The following ARHGEF25 variants were observed in gnomAD, a reference collection of about 807,000 sequenced individuals.
ARHGEF25 encodes the protein Rho guanine nucleotide exchange factor 25.
A neutral mutation model predicts 74.0 loss-of-function variants in ARHGEF25; 42 were observed. The observed-to-expected ratio is 0.57, with a 90% confidence interval of 0.44 to 0.73. The LOEUF is 0.73. Among genes scored for constraint, ARHGEF25 ranks in the 30% least tolerant of loss-of-function variants. ARHGEF25 has a pLI of 0.00. For missense variants in ARHGEF25, 645 were observed against 725.5 expected (o/e 0.89, Z 1.27); for synonymous variants, 293 against 278.6 (o/e 1.05, Z -0.51).
chr12:57,615,810 G>A, intron 12 of ARHGEF25, 27 bp from the exon 13 acceptor site: 1 of 1,612,334 alleles, frequency 6.2e-7, no homozygotes, highest in Non-Finnish European at 8.5e-7. Context: ...GAGGAATCTG[G>A]GGGCTGTCTC....
At chr12:57,610,183 G>C (rs1298770929), upstream of ARHGEF25, 1 of 1,429,924 alleles carries the variant, frequency 7.0e-7, no homozygotes, top group Non-Finnish European at 9.6e-7. Context: ...GTGCCCCCTC[G>C]ACCCTGAAAC....
rs2140218856 is a variant in ARHGEF25 at position 57,611,503 on chromosome 12, C to G, written c.-392C>G. On this transcript the variant is annotated 5_prime_UTR_variant, in exon 1 of 15. Transcript: ENST00000286494. The surrounding 1 kb of genome is among the most constrained non-coding windows in gnomAD (Gnocchi z 4.5). ...TCGGGGGTCGGCCCTCGCCTCCTCC[C>G]CGGCCCGGGCCTAGAGCCACCCCTA... 1 of 986,244 alleles carries G rather than the reference C, an allele frequency of 1.0e-6. No individual in the cohort carries two copies. The highest frequency in any genetic ancestry group is 4.7e-5 in the South Asian group (1 of 21,282). 61.1% of individuals were successfully genotyped at this position (986,244 alleles called of 1,614,324 possible). A position where few individuals can be genotyped will look rare whatever the true frequency, so the allele number is the denominator to read the frequency against.
Position 57,616,239 on chromosome 12 carries a change from C to T in ARHGEF25, c.1421-45C>T, listed in dbSNP as rs202138795. 357 of 1,569,090 alleles carry T rather than the reference C, an allele frequency of 2.3e-4. 2 individuals carry two copies. Among genetic ancestry groups the T allele is most frequent in the South Asian group, 9.0e-4 (76 of 84,292 alleles). On this transcript the variant is annotated intron_variant, in intron 13 of 14. Transcript: ENST00000286494. ...AATGATACAGGCCCTAGGGAGCAGA[C>T]CTGTCTCTGCGGTAACCCTCCTTCT...
In ARHGEF25 at chr12:57,611,760, C is replaced by A; in HGVS notation, c.-135C>A. 8.6e-7 allele frequency: 1 copy of A among 1,157,340 alleles called. No individual in the cohort carries two copies. The highest frequency in any genetic ancestry group is 1.1e-6 in the Non-Finnish European group (1 of 927,148). The allele number at this position is 1,157,340 out of a possible 1,614,324, so 71.7% of individuals were successfully genotyped here. A position where few individuals can be genotyped will look rare whatever the true frequency, so the allele number is the denominator to read the frequency against. The stretch of plus-strand genomic sequence containing the variant: ...CCTGGACACCTCCTCCCGGTCCCCT[C>A]CCTCCCCCCCTCCCACAGCCTGGAC... On this transcript the variant is annotated 5_prime_UTR_variant, in exon 1 of 15. Transcript: ENST00000286494. This position sits in a 1 kb window ranked among gnomAD's most constrained non-coding sequence, Gnocchi z 4.5.
At chr12:57,613,573 C>T (rs1884149808) in intron 4 of ARHGEF25, 57 bp downstream of exon 4, 8 of 1,611,988 alleles carry the variant, frequency 5.0e-6, no homozygotes, top group Non-Finnish European at 6.8e-6. Context: ...CTGTCCCTCA[C>T]ATTTTAGATG....
rs757686553 is a variant in ARHGEF25, at chr12:57,616,457, GGGGAGGT to G, written c.1597_1603del (p.Glu533ProfsTer49). 1.9e-6 allele frequency: 3 copies of G among 1,614,058 alleles called. No homozygotes were observed. The African/African-American group carries it at 4.0e-5, about 22-fold the overall frequency. Reference sequence around the variant, plus strand: ...CCCCTCTCTGCTGCTGTCACCCAAAGGGGAGGTGGCCAGAGCCCTCTTGCCACTGGAT... The same window carrying G: ...CCCCTCTCTGCTGCTGTCACCCAAAGGGCCAGAGCCCTCTTGCCACTGGAT... On this transcript the variant is annotated frameshift_variant, in exon 14 of 15. Coordinates refer to ENST00000286494, the MANE Select transcript of ARHGEF25 (RefSeq NM_182947.4). LOFTEE classifies it high-confidence loss of function.
Position 57,613,501 on chromosome 12 carries a change from C to T in ARHGEF25, c.470C>T (p.Ala157Val), listed in dbSNP as rs561061153. The stretch of plus-strand genomic sequence containing the variant: ...AGTGAGGAGGAACAGAAGAAGAAGG[C>T]TCTGGAAAGGAGTATGTAAGTGTCC... ...PESEEEQKKK[A>V]LERSMYVLSE... Residue 157 changes from alanine to valine, a missense_variant, in exon 4 of 15, where the codon GCT (alanine) becomes GTT (valine). Transcript: ENST00000286494. The T allele has an allele frequency of 1.9e-6, 3 of 1,614,212 alleles. No homozygotes were observed. In the African/African-American group the frequency reaches 4.0e-5, roughly 22 times the overall value.
chr12:57,615,195 C>T, intron 10 of ARHGEF25, 42 bp from the exon 11 acceptor site: 1 of 1,568,088 alleles, frequency 6.4e-7, no homozygotes, highest in Non-Finnish European at 8.6e-7. Flanking sequence ...CCAATAATGA[C>T]TCTCTTCGCC....
Position 57,614,776 on chromosome 12 carries a change from C to G in ARHGEF25, c.904C>G (p.Leu302Val). 1 of 1,608,074 alleles carries G rather than the reference C, an allele frequency of 6.2e-7. No individual in the cohort carries two copies. Reference protein sequence around the residue: ...VQRIMKYQLLLKDFLKYYNRA... With the variant: ...VQRIMKYQLLVKDFLKYYNRA... ...GCGGATCATGAAATACCAGCTGCTG[C>G]TCAAGGTCAGGACCCCCTTTTTCCT... Residue 302 changes from leucine to valine, a missense_variant, in exon 9 of 15, where the codon CTC (leucine) becomes GTC (valine). By Grantham distance (32) the Leu-to-Val change is conservative (BLOSUM62 1). Around this residue, in one of 3 missense-constraint regions of ARHGEF25, gnomAD observed 194 missense variants for 269.4 expected, o/e 0.72. Transcript: ENST00000286494. The surrounding 1 kb of genome is among the most constrained non-coding windows in gnomAD (Gnocchi z 4.6).
intron 5 of ARHGEF25, 104 bp downstream of exon 5, chr12:57,613,864 CT>C: frequency 1.3e-6 from 2 of 1,505,502 alleles, no homozygotes; most frequent in East Asian, 2.3e-5. Flanking sequence ...CCTCTCAAGC[CT>C]CCCCACTCCT....
Position 57,616,306 on chromosome 12 carries a change from C to G in ARHGEF25, c.1443C>G (p.Tyr481Ter), listed in dbSNP as rs1429074041. Residue 481 changes from tyrosine to a stop codon, truncating the protein, a stop_gained, in exon 14 of 15, where the codon TAC becomes TAG. Coordinates refer to ENST00000286494, the MANE Select transcript of ARHGEF25 (RefSeq NM_182947.4). LOFTEE classifies it high-confidence loss of function. ...FLNALQSPIE[Y>*]QRRESQTNSL... ...CAGCATTGCAGTCACCCATTGAGTACCAGAGACGGGAGAGCCAGACCAACA... is the reference window on the plus strand; with the variant it reads ...CAGCATTGCAGTCACCCATTGAGTAGCAGAGACGGGAGAGCCAGACCAACA... The G allele has an allele frequency of 6.2e-7, 1 of 1,612,732 alleles. No individual in the cohort carries two copies. The highest frequency in any genetic ancestry group is 8.5e-7 in the Non-Finnish European group (1 of 1,179,726).
In ARHGEF25 at chr12:57,615,974, G is replaced by A; in HGVS notation, c.1377G>A (p.Lys459=). Residue 459 remains lysine (K), a synonymous_variant, in exon 13 of 15, where the codon AAG becomes AAA. Transcript: ENST00000286494. ...ADPAISQAWI[K]HVAQILESQR... is the part of the protein sequence containing the mutation. The stretch of plus-strand genomic sequence containing the variant: ...CTGCTATCAGTCAGGCCTGGATCAA[G>A]CATGTGGCTCAGATCTTGGAGAGCC... 2 of 1,613,994 alleles carry A rather than the reference G, an allele frequency of 1.2e-6. No homozygotes were observed. The highest frequency in any genetic ancestry group is 1.7e-6 in the Non-Finnish European group (2 of 1,179,908).
At chr12:57,613,235 A>G (rs1426715073) in intron 2 of ARHGEF25, 29 bp from the exon 3 acceptor site, 2 of 1,612,938 alleles carry the variant, frequency 1.2e-6, no homozygotes, top group South Asian at 1.1e-5. Context: ...ACTGTCCCCG[A>G]CCTCTGACAC....
Position 57,614,783 on chromosome 12 carries a change from T to A in ARHGEF25, c.909+2T>A. The A allele has an allele frequency of 6.2e-7, 1 of 1,606,338 alleles. No individual in the cohort carries two copies. Among genetic ancestry groups the A allele is most frequent in the Non-Finnish European group, 8.5e-7 (1 of 1,176,310 alleles). ...ATGAAATACCAGCTGCTGCTCAAGG[T>A]CAGGACCCCCTTTTTCCTGGGGGCA... is the stretch of plus-strand genomic sequence containing the variant. On this transcript the variant is annotated splice_donor_variant, in intron 9 of 14. Coordinates refer to ENST00000286494, the MANE Select transcript of ARHGEF25 (RefSeq NM_182947.4). LOFTEE classifies it high-confidence loss of function. This position sits in a 1 kb window ranked among gnomAD's most constrained non-coding sequence, Gnocchi z 4.6.
At chr12:57,616,152 A>G in intron 13 of ARHGEF25, 132 bp from the exon 14 acceptor site, 2 of 1,455,922 alleles carry the variant, frequency 1.4e-6, no homozygotes, top group Non-Finnish European at 1.9e-6. Context: ...AAAATTTGAT[A>G]GAATCCCCTA....
Position 57,611,786 on chromosome 12 carries a change from C to T in ARHGEF25, c.-109C>T. 1.8e-6 allele frequency: 2 copies of T among 1,127,938 alleles called. No homozygotes were observed. Among genetic ancestry groups the T allele is most frequent in the South Asian group, 4.6e-5 (1 of 21,812 alleles). The allele number at this position is 1,127,938 out of a possible 1,614,324, so 69.9% of individuals were successfully genotyped here. ...CCTCCCCCCCTCCCACAGCCTGGAC[C>T]GGGGTAGGAGGGAGGGGGGGTGTGC... is the stretch of plus-strand genomic sequence containing the variant. On this transcript the variant is annotated 5_prime_UTR_variant, in exon 1 of 15. Coordinates refer to ENST00000286494, the MANE Select transcript of ARHGEF25 (RefSeq NM_182947.4). This position sits in a 1 kb window ranked among gnomAD's most constrained non-coding sequence, Gnocchi z 4.5.
chr12:57,616,103 C>G, intron 13 of ARHGEF25, 86 bp downstream of exon 13: 1 of 1,521,864 alleles, frequency 6.6e-7, no homozygotes, highest in South Asian at 1.3e-5. Flanking sequence ...CAGTACCTAC[C>G]CTCTGACCAT....
At chr12:57,610,576 A>G (rs776922320), upstream of ARHGEF25, 5 of 1,608,726 alleles carry the variant, frequency 3.1e-6, no homozygotes, top group Admixed American at 1.7e-5. Context: ...GCAGCCCCCA[A>G]GGAGAAGCCC....
At position 57,613,978 on chromosome 12, in the gene ARHGEF25, C is replaced by T. The variant is rs760047079; in HGVS notation, c.553-38C>T. On this transcript the variant is annotated intron_variant, in intron 5 of 14. Transcript: ENST00000286494. ...AGCACCATTAAGGTGGGGAGAGGGC[C>T]ACCACATGCTCATGACCCAACCTCA... The T allele has an allele frequency of 1.7e-5, 27 of 1,595,810 alleles. No individual in the cohort carries two copies. The Admixed American group carries it at 1.8e-4, about 11-fold the overall frequency.
Sources: allele counts gnomAD v4.1 joint callset, GRCh38; gene constraint gnomAD v4.1.1; regional missense constraint gnomAD v4.1.1; non-coding constraint Gnocchi (gnomAD v3.1); transcripts MANE v1.5; gene names NCBI Gene and HGNC (gene_info 2026-07-23, HGNC 2026-07-21).